Variants in ITFG1 observed in about 807,000 individuals in gnomAD.
ITFG1 encodes the protein integrin alpha FG-GAP repeat containing 1, also known as T-cell immunomodulatory protein.
ITFG1 carries 34 observed loss-of-function variants against 81.8 expected under a neutral mutation model. The ratio of observed to expected loss-of-function variants is 0.42; its 90% confidence interval spans 0.32 to 0.55. The LOEUF (loss-of-function observed/expected upper bound fraction) is 0.55. Among genes scored for constraint, ITFG1 ranks in the 20% least tolerant of loss-of-function variants. The pLI is 0.17. For synonymous variants in ITFG1, 285 were observed against 270.6 expected (o/e 1.05, Z -0.52); for missense variants, 672 against 755.4 (o/e 0.89, Z 1.29).
intron 5 of ITFG1, among the ~76,000 whole-genome samples, chr16:47,429,862 T>G (rs1041845244): frequency 1.3e-5 from 2 of 152,132 alleles, no homozygotes; most frequent in Non-Finnish European, 2.9e-5. Flanking sequence ...GGGTCTTACC[T>G]TTTTGCCCAG....
At chr16:47,272,385 A>G (rs1330259172) in intron 10 of ITFG1, among the ~76,000 whole-genome samples, 1 of 152,076 alleles carries the variant, frequency 6.6e-6, no homozygotes, top group Non-Finnish European at 1.5e-5. Flanking sequence ...GTGATGATGG[A>G]TGCACAACAA....
At chr16:47,455,811 T>A in intron 2 of ITFG1, among the ~76,000 whole-genome samples, 1 of 145,894 alleles carries the variant, frequency 6.9e-6, no homozygotes. Context: ...GACTTAGAAT[T>A]TAAAAGAGAA....
chr16:47,165,776 G>T (rs935082351), intron 14 of ITFG1, among the ~76,000 whole-genome samples: 5 of 152,192 alleles, frequency 3.3e-5, no homozygotes, highest in Non-Finnish European at 5.9e-5. Context: ...GCCCAGGGAG[G>T]TTGAGGCTGT....
chr16:47,265,369 CAT>C (rs1966264623), intron 10 of ITFG1, among the ~76,000 whole-genome samples: 1 of 151,990 alleles, frequency 6.6e-6, no homozygotes, highest in South Asian at 2.1e-4. Context: ...AAATGGCAAA[CAT>C]GTAGGCAAAC....
intron 6 of ITFG1, among the ~76,000 whole-genome samples, chr16:47,428,028 C>T (rs908933782): frequency 1.3e-5 from 2 of 151,828 alleles, no homozygotes; most frequent in Non-Finnish European, 2.9e-5. Flanking sequence ...TAGATGCTCT[C>T]GAGGCTGAGG....
intron 13 of ITFG1, among the ~76,000 whole-genome samples, chr16:47,227,760 TATAAA>T (rs2151530458): frequency 6.6e-6 from 1 of 152,298 alleles, no homozygotes; most frequent in South Asian, 2.1e-4. Context: ...TGGAAAAACA[TATAAA>T]AGATACTGTA....
At chr16:47,241,033 C>T (rs1312241800) in intron 12 of ITFG1, among the ~76,000 whole-genome samples, 1 of 149,890 alleles carries the variant, frequency 6.7e-6, no homozygotes, top group Admixed American at 6.7e-5. Flanking sequence ...TTATGTGACA[C>T]GTTTTTACCA....
chr16:47,320,803 A>G (rs2151568409), intron 8 of ITFG1, among the ~76,000 whole-genome samples: 1 of 152,258 alleles, frequency 6.6e-6, no homozygotes, highest in East Asian at 1.9e-4. Context: ...GCAAAAGAGT[A>G]AAAAAAGGCA....
intron 14 of ITFG1, among the ~76,000 whole-genome samples, chr16:47,189,259 A>C (rs1300360903): frequency 6.6e-6 from 1 of 152,126 alleles, no homozygotes; most frequent in Non-Finnish European, 1.5e-5. Context: ...TACAGTGTAC[A>C]ATTCAGTGGT....
chr16:47,435,042 G>A (rs1238816713), intron 5 of ITFG1, among the ~76,000 whole-genome samples: 5 of 152,136 alleles, frequency 3.3e-5, no homozygotes, highest in Non-Finnish European at 5.9e-5. Flanking sequence ...GCAGAGGCTT[G>A]GAGGGAGAGC....
chr16:47,268,693 T>C (rs568386875), intron 10 of ITFG1, among the ~76,000 whole-genome samples: 2 of 152,344 alleles, frequency 1.3e-5, no homozygotes, highest in Non-Finnish European at 2.9e-5. Flanking sequence ...ACCATGTCTC[T>C]GCTCTGTGAT....
At chr16:47,308,079 G>A (rs1478796459) in intron 10 of ITFG1, among the ~76,000 whole-genome samples, 3 of 152,138 alleles carry the variant, frequency 2.0e-5, no homozygotes, top group African/African-American at 7.2e-5. Flanking sequence ...CCATATCTCT[G>A]CTATTGTGAA....
chr16:47,421,916 A>C (rs1323247984), intron 6 of ITFG1, among the ~76,000 whole-genome samples: 2 of 152,168 alleles, frequency 1.3e-5, no homozygotes, highest in African/African-American at 4.8e-5. Context: ...CCTGTGAGTG[A>C]GAACATGTGG....
chr16:47,198,984 T>C (rs1396674565), intron 14 of ITFG1, among the ~76,000 whole-genome samples: 1 of 152,016 alleles, frequency 6.6e-6, no homozygotes, highest in African/African-American at 2.4e-5. Flanking sequence ...TAAAACAAAT[T>C]TAGTGTAGGC....
intron 13 of ITFG1, among the ~76,000 whole-genome samples, chr16:47,227,868 C>A (rs1408023815): frequency 6.6e-6 from 1 of 152,086 alleles, no homozygotes. Flanking sequence ...TAACTTTTCT[C>A]AAGGGTAATT....
intron 7 of ITFG1, among the ~76,000 whole-genome samples, chr16:47,372,283 C>T (rs935991754): frequency 1.2e-4 from 19 of 152,128 alleles, no homozygotes; most frequent in East Asian, 7.7e-4. Context: ...CTTGCTCTGT[C>T]GCTCAGGCTG....
At chr16:47,155,913 C>T (rs2151503606) in intron 17 of ITFG1, 135 bp from the exon 18 acceptor site, 2 of 583,572 alleles carry the variant, frequency 3.4e-6, no homozygotes, top group Non-Finnish European at 5.9e-6. Context: ...CCTAATTCAA[C>T]AGTCCTAGTA....
At chr16:47,276,505 G>T (rs1319753881) in intron 10 of ITFG1, among the ~76,000 whole-genome samples, 3 of 151,684 alleles carry the variant, frequency 2.0e-5, no homozygotes, top group African/African-American at 7.3e-5. Flanking sequence ...AATTTTTTTT[G>T]GTCAAATAAG....
chr16:47,296,784 T>A (rs1017199035), intron 10 of ITFG1, among the ~76,000 whole-genome samples: 4 of 152,230 alleles, frequency 2.6e-5, no homozygotes, highest in African/African-American at 9.6e-5. Context: ...CTAGTTTTAT[T>A]CTGCTGTGAT....
Sources: gnomAD v4.1 joint callset for allele counts (sites outside exome capture counted in the v4.1 genomes callset) on GRCh38, gnomAD v4.1.1 for gene constraint, MANE v1.5 for transcripts, NCBI Gene and HGNC (gene_info 2026-07-23, HGNC 2026-07-21) for gene names.